The following RASSF6 variants were observed in gnomAD, a reference collection of about 807,000 sequenced individuals.
The protein encoded by RASSF6 is Ras association domain family member 6.
In RASSF6, 52 loss-of-function variants were observed where a neutral mutation model predicts 44.0. The observed-to-expected ratio is 1.18, with a 90% CI of 0.95 to 1.49. The LOEUF (loss-of-function observed/expected upper bound fraction) is 1.49, where lower values mean the gene tolerates loss of function less well. Among genes scored for constraint, RASSF6 ranks in the 40% most tolerant of loss-of-function variants. The pLI, the probability that RASSF6 is intolerant of heterozygous loss-of-function variation, is 0.00. For missense variants in RASSF6, 464 were observed against 393.3 expected, an observed-to-expected ratio of 1.18 and a Z score of -1.52; for synonymous variants, 162 against 124.6, an observed-to-expected ratio of 1.30 and a Z score of -2.00.
intron 2 of RASSF6, among the ~76,000 whole-genome samples, chr4:73,599,423 T>C (rs1725141858): frequency 6.6e-6 from 1 of 152,196 alleles, no homozygotes; most frequent in Non-Finnish European, 1.5e-5. Flanking sequence ...TCCGCCCTTC[T>C]AGCTGGGTAT....
At chr4:73,607,845 T>A (rs1347912510) in intron 2 of RASSF6, among the ~76,000 whole-genome samples, 1 of 83,452 alleles carries the variant, frequency 1.2e-5, no homozygotes, top group Admixed American at 1.2e-4. Context: ...CTCCCCTCCC[T>A]ACCCCTCCTC....
intron 3 of RASSF6, among the ~76,000 whole-genome samples, chr4:73,598,366 T>C (rs1325766219): frequency 6.6e-6 from 1 of 152,202 alleles, no homozygotes; most frequent in African/African-American, 2.4e-5. Context: ...TTCTGACGCA[T>C]TTGTAAGAAA....
chr4:73,602,080 C>T (rs1319253887), intron 2 of RASSF6, among the ~76,000 whole-genome samples: 1 of 152,180 alleles, frequency 6.6e-6, no homozygotes, highest in Non-Finnish European at 1.5e-5. Flanking sequence ...GGACATGTAG[C>T]TATTTCTATA....
intron 4 of RASSF6, among the ~76,000 whole-genome samples, chr4:73,591,737 T>G (rs1236328570): frequency 6.6e-6 from 1 of 151,902 alleles, no homozygotes; most frequent in Non-Finnish European, 1.5e-5. Context: ...ACGAGATAGA[T>G]AGAGGGACTA....
In RASSF6 at chr4:73,598,757, G is replaced by A. The variant is rs1052990209; in HGVS notation, c.66-39C>T. On this transcript the variant is annotated intron_variant, in intron 2 of 10. Coordinates refer to ENST00000307439, the MANE Select transcript of RASSF6 (RefSeq NM_177532.5). Reference sequence around the variant, plus strand: ...AAAATTAATTACAATCAGTCTTAGAGTTTTTAACGTAAAAGGTGATAATGG... The same window carrying A: ...AAAATTAATTACAATCAGTCTTAGAATTTTTAACGTAAAAGGTGATAATGG... The A allele has an allele frequency of 3.3e-5, 30 of 904,522 alleles. No homozygotes were observed. In the Middle Eastern group the frequency reaches 6.6e-4, roughly 20 times the overall value. 56.0% of individuals were successfully genotyped at this position (904,522 alleles called of 1,614,324 possible). A position where few individuals can be genotyped will look rare whatever the true frequency, so the allele number is the denominator to read the frequency against.
At chr4:73,578,023 C>CCT (rs1474838416) in intron 8 of RASSF6, among the ~76,000 whole-genome samples, 10 of 142,748 alleles carry the variant, frequency 7.0e-5, no homozygotes, top group Non-Finnish European at 1.5e-4. Context: ...GCCATATGCT[C>CCT]TCTTCTGACC....
chr4:73,599,047 C>T (rs1725115943), intron 2 of RASSF6, among the ~76,000 whole-genome samples: 1 of 152,166 alleles, frequency 6.6e-6, no homozygotes, highest in South Asian at 2.1e-4. Context: ...TTTTAACCAA[C>T]CTAAATTAAG....
chr4:73,585,173 CACTT>C lies in RASSF6; in HGVS notation c.567+3_567+6del, dbSNP rs753191681. ...ATATTACATTAATGGAATTGTAACT[CACTT>C]ACTTCATGGTTATAGAAGTGTCCAT... On this transcript the variant is annotated splice_donor_5th_base_variant and intron_variant, in intron 6 of 10. Transcript: ENST00000307439. 7 of 1,572,154 alleles carry C rather than the reference CACTT, an allele frequency of 4.5e-6. No homozygotes were observed. The East Asian group carries it at 6.7e-5, about 15-fold the overall frequency.
chr4:73,613,549 T>A (rs1726163031), intron 1 of RASSF6, among the ~76,000 whole-genome samples: 2 of 152,122 alleles, frequency 1.3e-5, no homozygotes, highest in South Asian at 4.1e-4. Context: ...AACACTTCCT[T>A]CTTCCTCCTG....
intron 6 of RASSF6, 93 bp from the exon 7 acceptor site, chr4:73,582,383 A>G: frequency 1.9e-6 from 1 of 522,530 alleles, no homozygotes; most frequent in Non-Finnish European, 3.3e-6. Context: ...GGCAAAAAAA[A>G]TCCAAGGTCA....
intron 6 of RASSF6, among the ~76,000 whole-genome samples, chr4:73,584,075 G>A (rs528170487): frequency 1.2e-3 from 187 of 152,166 alleles, no homozygotes; most frequent in African/African-American, 4.4e-3. Flanking sequence ...CAATTGGTAG[G>A]TACCTCTCTG....
At chr4:73,618,786 A>G (rs953840950) in intron 1 of RASSF6, among the ~76,000 whole-genome samples, 1 of 152,206 alleles carries the variant, frequency 6.6e-6, no homozygotes, top group Non-Finnish European at 1.5e-5. Flanking sequence ...AAGTTAGAGT[A>G]TACTGCAAAC....
chr4:73,595,682 T>C (rs567771905), intron 3 of RASSF6, among the ~76,000 whole-genome samples: 1 of 149,834 alleles, frequency 6.7e-6, no homozygotes, highest in South Asian at 2.1e-4. Context: ...TTTACTCTTT[T>C]CCTAAATTTT....
chr4:73,619,772 C>A (rs909570517), intron 1 of RASSF6, among the ~76,000 whole-genome samples: 4 of 151,488 alleles, frequency 2.6e-5, no homozygotes, highest in Non-Finnish European at 5.9e-5. Flanking sequence ...GTTTGGTGAG[C>A]GCTTATATTG....
rs574355003 is a variant in RASSF6 at position 73,619,942 on chromosome 4, G to C, written c.-35+346C>G. Among the ~76,000 whole-genome samples the C allele has an allele frequency of 4.6e-5, 7 of 152,128 alleles. No homozygotes were observed. The East Asian group carries it at 1.4e-3, about 29-fold the overall frequency. ...AGAGGAAGGAGTATGCCATCCAGAA[G>C]TCTAGTATCTTTGTAAGGCACGATT... On this transcript the variant is annotated intron_variant, in intron 1 of 10. Transcript: ENST00000307439.
rs533357316 is a variant in RASSF6 at position 73,610,310 on chromosome 4, C to A, written c.65+1421G>T. On this transcript the variant is annotated intron_variant, in intron 2 of 10. Transcript: ENST00000307439. ...ACTGCTGCCACCTTGGTTCAAGCAA[C>A]CTTCATCTCCACCCTGGACTGTCAG... Among the ~76,000 whole-genome samples the A allele has an allele frequency of 4.7e-4, 72 of 152,294 alleles. No individual in the cohort carries two copies. The South Asian group carries it at 0.011, about 24-fold the overall frequency.
chr4:73,618,649 T>C (rs906165157), intron 1 of RASSF6, among the ~76,000 whole-genome samples: 1 of 152,144 alleles, frequency 6.6e-6, no homozygotes, highest in African/African-American at 2.4e-5. Flanking sequence ...AATAACATAG[T>C]AAACTTCAGT....
chr4:73,593,941 A>G (rs1009791417), intron 3 of RASSF6, among the ~76,000 whole-genome samples: 4 of 152,242 alleles, frequency 2.6e-5, no homozygotes, highest in Non-Finnish European at 1.5e-5. Flanking sequence ...AGATTTAAAA[A>G]TTATGCTGAA....
rs1178980386 is a variant in RASSF6 at position 73,571,592 on chromosome 4, G to C, written c.*4643C>G. The C allele has an allele frequency of 6.6e-6, 1 of 151,886 alleles. No individual in the cohort carries two copies. The highest frequency in any genetic ancestry group is 6.6e-5 in the Admixed American group (1 of 15,258). The allele number at this position is 151,886 out of a possible 1,614,324, so 9.4% of individuals were successfully genotyped here. A position where few individuals can be genotyped will look rare whatever the true frequency, so the allele number is the denominator to read the frequency against. ...TAATATTTTTTCAGCTATGGGACCA[G>C]ACTTGTAATAAGTAATACATACATA... On this transcript the variant is annotated 3_prime_UTR_variant, in exon 11 of 11. Transcript: ENST00000307439.
Sources: allele counts gnomAD v4.1 joint callset (sites outside exome capture counted in the v4.1 genomes callset), GRCh38; gene constraint gnomAD v4.1.1; transcripts MANE v1.5; gene names NCBI Gene and HGNC (gene_info 2026-07-23, HGNC 2026-07-21).